PDE4B: variants seen among roughly 807,000 people sequenced by gnomAD.
PDE4B encodes the protein 3',5'-cyclic-AMP phosphodiesterase 4B.
Under a neutral mutation model 82.2 loss-of-function variants are expected in PDE4B, and 20 were observed. The observed-to-expected ratio is 0.24, with a 90% CI of 0.17 to 0.35. The LOEUF is 0.35. Among genes scored for constraint, PDE4B ranks in the 10% least tolerant of loss-of-function variants. The pLI is 1.00. For synonymous variants in PDE4B, 320 were observed against 318.9 expected (o/e 1.00, Z -0.04); for missense variants, 655 against 907.2 (o/e 0.72, Z 3.57).
At chr1:66,207,430 G>A (rs1457739231) in intron 3 of PDE4B, among the ~76,000 whole-genome samples, 1 of 152,108 alleles carries the variant, frequency 6.6e-6, no homozygotes, top group Non-Finnish European at 1.5e-5. Flanking sequence ...ATGGGTCACT[G>A]AAGATATAAA....
At chr1:66,305,112 G>A (rs1481880657) in intron 7 of PDE4B, among the ~76,000 whole-genome samples, 1 of 152,104 alleles carries the variant, frequency 6.6e-6, no homozygotes, top group East Asian at 1.9e-4. Context: ...ATGGAAACAA[G>A]ATAATGGGAT....
At chr1:66,156,253 C>A (rs537317936) in intron 3 of PDE4B, among the ~76,000 whole-genome samples, 1 of 152,148 alleles carries the variant, frequency 6.6e-6, no homozygotes, top group African/African-American at 2.4e-5. Context: ...CAATTTAATC[C>A]TTTTTCGGTC....
intron 3 of PDE4B, among the ~76,000 whole-genome samples, chr1:66,103,933 T>C (rs888672366): frequency 7.2e-5 from 11 of 152,086 alleles, no homozygotes; most frequent in African/African-American, 2.2e-4. Context: ...TTTTTTATTA[T>C]TTCTTTATTT....
chr1:66,189,849 C>T (rs1221449821), intron 3 of PDE4B, among the ~76,000 whole-genome samples: 3 of 152,210 alleles, frequency 2.0e-5, no homozygotes, highest in Admixed American at 6.5e-5. Context: ...AAGTCATTCT[C>T]CATCCAGCTT....
At chr1:66,279,924 A>G (rs996723461) in intron 7 of PDE4B, among the ~76,000 whole-genome samples, 1 of 152,172 alleles carries the variant, frequency 6.6e-6, no homozygotes, top group Non-Finnish European at 1.5e-5. Flanking sequence ...AACCACATCT[A>G]CAAAATACCT....
chr1:66,136,844 A>G (rs557620330), intron 3 of PDE4B, among the ~76,000 whole-genome samples: 1 of 152,236 alleles, frequency 6.6e-6, no homozygotes, highest in African/African-American at 2.4e-5. Flanking sequence ...TGGTTGAGAT[A>G]GAAGGAGAAC....
intron 3 of PDE4B, among the ~76,000 whole-genome samples, chr1:66,191,770 G>A (rs988736549): frequency 2.0e-5 from 3 of 152,134 alleles, no homozygotes; most frequent in African/African-American, 7.2e-5. Flanking sequence ...ACAGTTCCAC[G>A]TGGCTGGGGA....
At chr1:66,121,118 G>T (rs1182903459) in intron 3 of PDE4B, among the ~76,000 whole-genome samples, 1 of 152,158 alleles carries the variant, frequency 6.6e-6, no homozygotes, top group Non-Finnish European at 1.5e-5. Context: ...GCCTCAGGGG[G>T]TTACTATCCT....
intron 3 of PDE4B, among the ~76,000 whole-genome samples, chr1:66,010,772 C>T (rs1652438896): frequency 6.8e-6 from 1 of 147,482 alleles, no homozygotes; most frequent in South Asian, 2.2e-4. Context: ...AATCATCTTT[C>T]TCTCCTTGCT....
chr1:65,892,269 G>C (rs1055885473), intron 1 of PDE4B, among the ~76,000 whole-genome samples: 14 of 151,934 alleles, frequency 9.2e-5, no homozygotes, highest in African/African-American at 3.1e-4. Flanking sequence ...TCTGTTTCCA[G>C]GTATCTATCT....
At position 66,330,905 on chromosome 1, in the gene PDE4B, T is replaced by C. The variant is rs1359992293; in HGVS notation, c.635-1603T>C. The C allele has an allele frequency of 9.8e-6, 5 of 509,750 alleles. No homozygotes were observed. The African/African-American group carries it at 1.0e-4, about 11-fold the overall frequency. 31.6% of individuals were successfully genotyped at this position (509,750 alleles called of 1,614,324 possible). A position where few individuals can be genotyped will look rare whatever the true frequency, so the allele number is the denominator to read the frequency against. On this transcript the variant is annotated intron_variant, in intron 7 of 16. Transcript: ENST00000341517. ...ACCTCAATTCTTGTCTGCACATTTT[T>C]GAAGAGTGTGAAAAAAAAATGGAGG... is the stretch of plus-strand genomic sequence containing the variant.
intron 1 of PDE4B, among the ~76,000 whole-genome samples, chr1:65,856,693 C>T (rs1185097052): frequency 6.6e-6 from 1 of 152,130 alleles, no homozygotes; most frequent in East Asian, 1.9e-4. Context: ...TGGGTATATA[C>T]TCAGTAAGGG....
chr1:66,255,227 G>A (rs750385527), intron 4 of PDE4B, among the ~76,000 whole-genome samples: 20 of 151,996 alleles, frequency 1.3e-4, no homozygotes, highest in Admixed American at 2.6e-4. Context: ...TAGGATTACA[G>A]GCATGTACCA....
chr1:66,067,369 A>G (rs1655910212), intron 3 of PDE4B, among the ~76,000 whole-genome samples: 1 of 152,064 alleles, frequency 6.6e-6, no homozygotes, highest in Non-Finnish European at 1.5e-5. Context: ...TGACATTTTA[A>G]TGATCGCTAT....
chr1:66,191,271 A>G (rs141828294), intron 3 of PDE4B, among the ~76,000 whole-genome samples: 3 of 152,274 alleles, frequency 2.0e-5, no homozygotes, highest in African/African-American at 4.8e-5. Flanking sequence ...AATGTGTTTT[A>G]TGTATTGATA....
intron 3 of PDE4B, among the ~76,000 whole-genome samples, chr1:66,204,120 C>G (rs973486915): frequency 2.0e-5 from 3 of 152,268 alleles, no homozygotes; most frequent in African/African-American, 4.8e-5. Context: ...CATTCCAGAC[C>G]CTGTTTGCCT....
chr1:65,860,962 G>A (rs1335350818), intron 1 of PDE4B, among the ~76,000 whole-genome samples: 3 of 152,016 alleles, frequency 2.0e-5, no homozygotes, highest in African/African-American at 7.2e-5. Context: ...TTGTCAGATG[G>A]ATAGATTGCA....
chr1:66,112,666 C>G (rs1473012868), intron 3 of PDE4B: 1 of 152,194 alleles, frequency 6.6e-6, no homozygotes, highest in Non-Finnish European at 1.5e-5. Context: ...CTTTATCTCC[C>G]TTGTCACTTG....
intron 3 of PDE4B, among the ~76,000 whole-genome samples, chr1:65,982,002 A>C (rs1377175306): frequency 1.3e-5 from 2 of 152,184 alleles, no homozygotes; most frequent in African/African-American, 4.8e-5. Flanking sequence ...AGAAGTACTA[A>C]GGTAGTGCTG....
Sources: gnomAD v4.1 joint callset for allele counts (sites outside exome capture counted in the v4.1 genomes callset) on GRCh38, gnomAD v4.1.1 for gene constraint, MANE v1.5 for transcripts, NCBI Gene and HGNC (gene_info 2026-07-23, HGNC 2026-07-21) for gene names.